The following SLC8A1 variants were observed in gnomAD, a reference collection of about 807,000 sequenced individuals.
SLC8A1 encodes sodium/calcium exchanger 1.
SLC8A1 carries 18 observed loss-of-function variants against 68.3 expected under a neutral mutation model. The observed-to-expected ratio is 0.26, with a 90% CI of 0.18 to 0.39. The LOEUF (loss-of-function observed/expected upper bound fraction) is 0.39. SLC8A1 is among the 10% of genes least tolerant of loss of function. The probability of loss-of-function intolerance (pLI) is 1.00; values close to 1 mark genes in which losing one functional copy is unlikely to be tolerated. For missense variants in SLC8A1, 985 were observed against 1,156.7 expected (o/e 0.85, Z 2.15); for synonymous variants, 475 against 415.5 (o/e 1.14, Z -1.74).
At chr2:40,341,615 G>T (rs1018446085) in intron 2 of SLC8A1, among the ~76,000 whole-genome samples, 1 of 152,106 alleles carries the variant, frequency 6.6e-6, no homozygotes, top group Admixed American at 6.6e-5. Context: ...ATGCTTTTTG[G>T]AAAGTTTCTT....
chr2:40,406,224 G>A (rs894700575), intron 2 of SLC8A1, among the ~76,000 whole-genome samples: 1 of 152,120 alleles, frequency 6.6e-6, no homozygotes, highest in Non-Finnish European at 1.5e-5. Flanking sequence ...TGCAAAATAT[G>A]ATCTCCCTAT....
At chr2:40,190,455 G>C (rs186083396) in intron 2 of SLC8A1, 2 of 152,146 alleles carry the variant, frequency 1.3e-5, no homozygotes, top group Non-Finnish European at 2.9e-5. Flanking sequence ...CATTATCCTA[G>C]TGTTTTTCTT....
chr2:40,493,341 G>T (rs1473925778), intron 1 of SLC8A1, among the ~76,000 whole-genome samples: 1 of 120,576 alleles, frequency 8.3e-6, no homozygotes, highest in African/African-American at 3.1e-5. Flanking sequence ...TCTGGGGACT[G>T]TTGTGGGGTG....
intron 1 of SLC8A1, among the ~76,000 whole-genome samples, chr2:40,511,981 C>A (rs983171524): frequency 6.6e-6 from 1 of 152,120 alleles, no homozygotes; most frequent in South Asian, 2.1e-4. Flanking sequence ...TCCCACCTAC[C>A]CTAGCCTAAA....
At chr2:40,405,047 C>G (rs771688930) in intron 2 of SLC8A1, among the ~76,000 whole-genome samples, 5 of 152,316 alleles carry the variant, frequency 3.3e-5, no homozygotes, top group Middle Eastern at 6.8e-3. Flanking sequence ...GCTACTCCCC[C>G]TCCCCAGCCC....
chr2:40,504,894 T>G (rs1372777333), intron 1 of SLC8A1, among the ~76,000 whole-genome samples: 1 of 151,886 alleles, frequency 6.6e-6, no homozygotes, highest in Non-Finnish European at 1.5e-5. Flanking sequence ...TGGAGAACAG[T>G]TTGGAGGTTC....
At chr2:40,289,374 G>A (rs2068883597) in intron 2 of SLC8A1, among the ~76,000 whole-genome samples, 1 of 152,080 alleles carries the variant, frequency 6.6e-6, no homozygotes, top group Non-Finnish European at 1.5e-5. Flanking sequence ...TTACAAATGT[G>A]ATTTCACATT....
At chr2:40,132,575 T>G (rs114389113) in intron 7 of SLC8A1, among the ~76,000 whole-genome samples, 132 of 152,228 alleles carry the variant, frequency 8.7e-4, no homozygotes, top group African/African-American at 3.0e-3. Flanking sequence ...ACTTGCTGTT[T>G]AAGTATTCTA....
At chr2:40,173,031 T>G (rs964224645) in intron 4 of SLC8A1, among the ~76,000 whole-genome samples, 64 of 152,180 alleles carry the variant, frequency 4.2e-4, no homozygotes, top group African/African-American at 1.5e-3. Context: ...AGCATCCTAG[T>G]AGCCACAAGT....
At chr2:40,178,277 T>C (rs1221396697) in intron 2 of SLC8A1, 110 bp downstream of exon 3, 26 of 825,406 alleles carry the variant, frequency 3.1e-5, no homozygotes, top group Non-Finnish European at 4.9e-5. Context: ...CCCTGTTACA[T>C]AGGTGGAGGG....
At chr2:40,174,711 A>G in intron 4 of SLC8A1, 1 of 1,532,240 alleles carries the variant, frequency 6.5e-7, no homozygotes, top group Non-Finnish European at 9.0e-7. Flanking sequence ...CTTACCAAAC[A>G]GGTATTTTCC....
rs986824953 is a variant in SLC8A1, at chr2:40,408,558, G to A, written c.1808+19915C>T. 2.0e-5 allele frequency among the ~76,000 whole-genome samples: 3 copies of A among 152,258 alleles called. No individual in the cohort carries two copies. In the South Asian group the frequency reaches 6.2e-4, roughly 32 times the overall value. On this transcript the variant is annotated intron_variant, in intron 2 of 7. Coordinates refer to ENST00000406785, the Ensembl canonical transcript of SLC8A1. ...TTCAACTGCTTGAATCTGGGTGAAG[G>A]GAGACAGCAATTAGGACAGCTTTGG...
chr2:40,487,450 T>C (rs1705042780), intron 1 of SLC8A1, among the ~76,000 whole-genome samples: 1 of 152,194 alleles, frequency 6.6e-6, no homozygotes, highest in African/African-American at 2.4e-5. Flanking sequence ...CAGAGTCTAA[T>C]TGGATTTCCT....
intron 4 of SLC8A1, among the ~76,000 whole-genome samples, chr2:40,170,993 G>C (rs967838074): frequency 2.6e-5 from 4 of 152,094 alleles, no homozygotes; most frequent in Non-Finnish European, 5.9e-5. Flanking sequence ...GGTTAACCTA[G>C]GCCTAGGGGG....
At chr2:40,184,898 C>A (rs73924559) in intron 2 of SLC8A1, among the ~76,000 whole-genome samples, 374 of 106,348 alleles carry the variant, frequency 3.5e-3, no homozygotes, top group Middle Eastern at 0.015. Context: ...TAACCAAAAA[C>A]AAAAAAAAAA....
rs143654366 is a variant in SLC8A1, at chr2:40,435,815, G to A, written c.-24-5511C>T. On this transcript the variant is annotated intron_variant, in intron 1 of 7. Transcript: ENST00000406785. Reference sequence around the variant, plus strand: ...TTTGAGACATAGTCTTGCTCCTGTCGCCCAGGCTGGAGTGCAGTGGTATGA... The same window carrying A: ...TTTGAGACATAGTCTTGCTCCTGTCACCCAGGCTGGAGTGCAGTGGTATGA... Among the ~76,000 whole-genome samples the A allele has an allele frequency of 2.4e-3, 364 of 152,056 alleles. 3 individuals carry two copies. Among genetic ancestry groups the A allele is most frequent in the African/African-American group, 8.4e-3 (349 of 41,482 alleles).
At chr2:40,100,126 G>T (rs2033809380) in exon 8 of SLC8A1, 1 of 152,190 alleles carries the variant, frequency 6.6e-6, no homozygotes, top group East Asian at 1.9e-4. Context: ...CACCACAAAG[G>T]ACACTGAAAG....
At chr2:40,420,454 G>A (rs1313325292) in intron 2 of SLC8A1, among the ~76,000 whole-genome samples, 1 of 151,796 alleles carries the variant, frequency 6.6e-6, no homozygotes, top group Non-Finnish European at 1.5e-5. Context: ...ATGCTACAGC[G>A]CCAAAGCAGG....
At chr2:40,116,195 TAG>T (rs2035322245) in intron 7 of SLC8A1, among the ~76,000 whole-genome samples, 2 of 152,232 alleles carry the variant, frequency 1.3e-5, no homozygotes, top group Non-Finnish European at 2.9e-5. Context: ...AGCAAGCCAA[TAG>T]TGGAATTGAA....
Sources: allele counts gnomAD v4.1 joint callset (sites outside exome capture counted in the v4.1 genomes callset), GRCh38; gene constraint gnomAD v4.1.1; transcripts MANE v1.5; gene names NCBI Gene and HGNC (gene_info 2026-07-23, HGNC 2026-07-21).